The following OXCT1 variants were observed in gnomAD, a reference collection of about 807,000 sequenced individuals.
The protein encoded by OXCT1 is 3-oxoacid CoA-transferase 1, also known as succinyl-CoA:3-ketoacid coenzyme A transferase 1, mitochondrial.
A neutral mutation model predicts 69.6 loss-of-function variants in OXCT1; 27 were observed. That is an observed-to-expected ratio of 0.39 (90% CI 0.29 to 0.54). The LOEUF (loss-of-function observed/expected upper bound fraction) is 0.54. Among genes scored for constraint, OXCT1 ranks in the 20% least tolerant of loss-of-function variants. OXCT1 has a pLI of 0.72. For missense variants in OXCT1, 437 were observed against 650.2 expected, an observed-to-expected ratio of 0.67 and a Z score of 3.57; for synonymous variants, 202 against 217.8, an observed-to-expected ratio of 0.93 and a Z score of 0.64.
chr5:41,819,652 G>A (rs936583532), intron 7 of OXCT1, among the ~76,000 whole-genome samples: 2 of 151,632 alleles, frequency 1.3e-5, no homozygotes, highest in Non-Finnish European at 2.9e-5. Context: ...TAACAGGCGT[G>A]AGCCACCTTC....
intron 4 of OXCT1, among the ~76,000 whole-genome samples, chr5:41,851,052 C>T (rs1228003821): frequency 1.3e-5 from 2 of 152,114 alleles, no homozygotes; most frequent in Admixed American, 1.3e-4. Context: ...CTGTAAATCC[C>T]AGTGCTTTGG....
intron 14 of OXCT1, among the ~76,000 whole-genome samples, chr5:41,758,710 G>A (rs1003535678): frequency 2.4e-4 from 37 of 152,114 alleles, no homozygotes; most frequent in South Asian, 2.1e-4. Flanking sequence ...TCTGCAACCC[G>A]CAGCACATGG....
intron 13 of OXCT1, among the ~76,000 whole-genome samples, chr5:41,783,932 C>G (rs1745530112): frequency 6.6e-6 from 1 of 152,160 alleles, no homozygotes; most frequent in Non-Finnish European, 1.5e-5. Context: ...AAGGCAAAAT[C>G]TCTGTAAGAC....
intron 7 of OXCT1, among the ~76,000 whole-genome samples, chr5:41,834,179 A>C (rs1322359673): frequency 6.6e-6 from 1 of 152,108 alleles, no homozygotes; most frequent in African/African-American, 2.4e-5. Flanking sequence ...ATAAAAAGCA[A>C]GAAATCAAAG....
chr5:41,793,202 C>G (rs886652714), intron 13 of OXCT1, among the ~76,000 whole-genome samples: 2 of 152,202 alleles, frequency 1.3e-5, no homozygotes, highest in Admixed American at 1.3e-4. Context: ...GACCACCAGC[C>G]TCAGTTATTT....
chr5:41,864,453 AAGAGTTTTCCCTCTTTTCTATTCAT>A lies in OXCT1; in HGVS notation c.79-1728_79-1704del, dbSNP rs1190957132. Among the ~76,000 whole-genome samples the A allele has an allele frequency of 2.4e-4, 36 of 152,318 alleles. 1 individual carries two copies. Among genetic ancestry groups the A allele is most frequent in the African/African-American group, 8.7e-4 (36 of 41,582 alleles). ...AGAGACAGAAAGGGCTTGAGCCACA[AAGAGTTTTCCCTCTTTTCTATTCAT>A]CTGCTTCTGTTTTAAACATATATTT... On this transcript the variant is annotated intron_variant, in intron 1 of 16. Coordinates refer to ENST00000196371, the MANE Select transcript of OXCT1 (RefSeq NM_000436.4).
At chr5:41,859,864 A>AAT (rs3050894) in intron 3 of OXCT1, among the ~76,000 whole-genome samples, 14,270 of 119,970 alleles carry the variant, frequency 0.12, 991 homozygotes, top group Middle Eastern at 0.16. Context: ...CTAGTATAGT[A>AAT]ATATATATAT....
chr5:41,825,067 A>G (rs1228377682), intron 7 of OXCT1, among the ~76,000 whole-genome samples: 1 of 152,228 alleles, frequency 6.6e-6, no homozygotes, highest in Non-Finnish European at 1.5e-5. Context: ...AGGCACAGAA[A>G]AGGTAGCAGG....
intron 13 of OXCT1, among the ~76,000 whole-genome samples, chr5:41,785,801 T>C (rs1027835451): frequency 6.6e-6 from 1 of 152,158 alleles, no homozygotes; most frequent in African/African-American, 2.4e-5. Flanking sequence ...GTATGAAGGA[T>C]TTATTTCATG....
At chr5:41,836,839 G>A (rs991178154) in intron 7 of OXCT1, among the ~76,000 whole-genome samples, 5 of 152,176 alleles carry the variant, frequency 3.3e-5, no homozygotes, top group Non-Finnish European at 7.3e-5. Flanking sequence ...CATGGCCTGA[G>A]GGTTGGGGCC....
intron 7 of OXCT1, among the ~76,000 whole-genome samples, chr5:41,835,344 A>T (rs1748300369): frequency 6.6e-6 from 1 of 152,266 alleles, no homozygotes; most frequent in Non-Finnish European, 1.5e-5. Context: ...ACAAAAATTT[A>T]AAAATTTTAA....
intron 13 of OXCT1, among the ~76,000 whole-genome samples, chr5:41,774,426 CT>C (rs1320044756): frequency 6.6e-6 from 1 of 152,094 alleles, no homozygotes; most frequent in African/African-American, 2.4e-5. Flanking sequence ...AGAGAATTAG[CT>C]TTTGAAGAAA....
chr5:41,849,215 G>A (rs939558888), intron 5 of OXCT1, among the ~76,000 whole-genome samples: 3 of 152,122 alleles, frequency 2.0e-5, no homozygotes, highest in African/African-American at 7.2e-5. Flanking sequence ...CTAGGAATGG[G>A]AGGGGCACAG....
At chr5:41,792,314 C>G (rs2112223053) in intron 13 of OXCT1, among the ~76,000 whole-genome samples, 1 of 152,300 alleles carries the variant, frequency 6.6e-6, no homozygotes, top group East Asian at 1.9e-4. Flanking sequence ...CTTTAATCCA[C>G]AACTATCTCA....
intron 7 of OXCT1, among the ~76,000 whole-genome samples, chr5:41,822,913 C>T (rs778471879): frequency 3.3e-5 from 5 of 152,152 alleles, no homozygotes; most frequent in Non-Finnish European, 4.4e-5. Context: ...CTTAATTGTT[C>T]GGACCAGTAA....
At chr5:41,751,569 C>A (rs1743789082) in intron 14 of OXCT1, among the ~76,000 whole-genome samples, 1 of 152,104 alleles carries the variant, frequency 6.6e-6, no homozygotes, top group Non-Finnish European at 1.5e-5. Flanking sequence ...TCTCCATCCA[C>A]CCTACCTTGA....
intron 14 of OXCT1, among the ~76,000 whole-genome samples, chr5:41,758,089 T>C (rs578246688): frequency 5.3e-4 from 80 of 152,126 alleles, no homozygotes; most frequent in African/African-American, 1.9e-3. Context: ...TTAACAGGGA[T>C]AAACAGAGTA....
At chr5:41,869,022 C>G (rs1750144795) in intron 1 of OXCT1, among the ~76,000 whole-genome samples, 1 of 152,210 alleles carries the variant, frequency 6.6e-6, no homozygotes, top group Non-Finnish European at 1.5e-5. Context: ...CCAAGGGTAT[C>G]GCTGTGCTCT....
At chr5:41,736,268 A>T (rs1742880010) in intron 16 of OXCT1, among the ~76,000 whole-genome samples, 1 of 152,184 alleles carries the variant, frequency 6.6e-6, no homozygotes, top group African/African-American at 2.4e-5. Context: ...TATAATCAAT[A>T]TTTGCATTTC....
Sources: allele counts gnomAD v4.1 joint callset (sites outside exome capture counted in the v4.1 genomes callset), GRCh38; gene constraint gnomAD v4.1.1; transcripts MANE v1.5; gene names NCBI Gene and HGNC (gene_info 2026-07-23, HGNC 2026-07-21).